The following LCOR variants were observed in gnomAD, a reference collection of about 807,000 sequenced individuals.
LCOR encodes ligand dependent nuclear receptor corepressor, also known as ligand-dependent corepressor.
LCOR carries 14 observed loss-of-function variants against 64.4 expected under a neutral mutation model. That is an observed-to-expected ratio of 0.22 (90% CI 0.14 to 0.34). The LOEUF is 0.34. LCOR is among the 10% of genes least tolerant of loss of function. The pLI is 1.00. For synonymous variants in LCOR, 643 were observed against 642.5 expected, an observed-to-expected ratio of 1.00 and a Z score of -0.01; for missense variants, 1,686 against 1,765.3, an observed-to-expected ratio of 0.96 and a Z score of 0.80.
At chr10:96,966,529 GGA>G in intron 7 of LCOR, among the ~76,000 whole-genome samples, 1 of 151,214 alleles carries the variant, frequency 6.6e-6, no homozygotes, top group South Asian at 2.1e-4. Flanking sequence ...CGCCCGGCCA[GGA>G]CTCTTAACAA....
rs937912451 is a variant in LCOR, at chr10:96,981,824, G to T, written c.1364G>T (p.Ser455Ile). Residue 455 changes from serine (S) to isoleucine (I), a missense_variant, in exon 8 of 8, where the codon AGT (serine) becomes ATT (isoleucine). Coordinates refer to ENST00000421806, the MANE Select transcript of LCOR (RefSeq NM_001346516.2). ...ISTSIKTARK[S>I]KRASGLRIND... ...ACCTCCATCAAGACAGCTCGGAAAA[G>T]TAAAAGGGCATCAGGGCTGAGGATA... The T allele has an allele frequency of 1.2e-6, 2 of 1,614,094 alleles. No homozygotes were observed. The highest frequency in any genetic ancestry group is 2.7e-5 in the African/African-American group (2 of 74,936).
intron 6 of LCOR, among the ~76,000 whole-genome samples, chr10:96,950,725 TAATG>T (rs990336039): frequency 6.6e-5 from 10 of 152,230 alleles, no homozygotes; most frequent in South Asian, 2.1e-4. Flanking sequence ...TATATTTCCT[TAATG>T]AATGTGTTTT....
At position 96,983,747 on chromosome 10, in the gene LCOR, C is replaced by T; in HGVS notation, c.3287C>T (p.Pro1096Leu). The T allele has an allele frequency of 6.2e-7, 1 of 1,614,082 alleles. No homozygotes were observed. Among genetic ancestry groups the T allele is most frequent in the Non-Finnish European group, 8.5e-7 (1 of 1,180,016 alleles). Residue 1096 changes from proline (P) to leucine (L), a missense_variant, in exon 8 of 8, where the codon CCA (proline) becomes CTA (leucine). By Grantham distance (98) the Pro-to-Leu change is moderately conservative. Coordinates refer to ENST00000421806, the MANE Select transcript of LCOR (RefSeq NM_001346516.2). This position sits in a 1 kb window ranked among gnomAD's most constrained non-coding sequence, Gnocchi z 4.5. Reference sequence around the variant, plus strand: ...GTTGACACCGTGGTAGATGAACAGCCAAAGTTTATGGAATGGTGTGCTGAG... The same window carrying T: ...GTTGACACCGTGGTAGATGAACAGCTAAAGTTTATGGAATGGTGTGCTGAG... Reference protein sequence around the residue: ...DDVDTVVDEQPKFMEWCAEEE... With the variant: ...DDVDTVVDEQLKFMEWCAEEE...
intron 2 of LCOR, among the ~76,000 whole-genome samples, chr10:96,845,865 C>G (rs1434536203): frequency 6.6e-6 from 1 of 151,974 alleles, no homozygotes; most frequent in Non-Finnish European, 1.5e-5. Flanking sequence ...AACCTTTACA[C>G]TGGTCATTTT....
chr10:96,887,392 T>A (rs1846361330), intron 2 of LCOR, among the ~76,000 whole-genome samples: 1 of 151,808 alleles, frequency 6.6e-6, no homozygotes, highest in Admixed American at 6.6e-5. Flanking sequence ...TGAAACCCCG[T>A]CTCTACTAAA....
chr10:96,969,459 A>T (rs1014458414), intron 7 of LCOR, among the ~76,000 whole-genome samples: 3 of 152,194 alleles, frequency 2.0e-5, no homozygotes, highest in African/African-American at 7.2e-5. Context: ...TTAGAAATTT[A>T]AAAGTCATAA....
chr10:96,896,644 G>C (rs909709741), intron 2 of LCOR, among the ~76,000 whole-genome samples: 1 of 151,988 alleles, frequency 6.6e-6, no homozygotes, highest in Non-Finnish European at 1.5e-5. Flanking sequence ...GGCTGGTCTT[G>C]AACTCCTGAC....
intron 2 of LCOR, among the ~76,000 whole-genome samples, chr10:96,886,269 G>GAT (rs1295631946): frequency 6.6e-6 from 1 of 152,192 alleles, no homozygotes; most frequent in African/African-American, 2.4e-5. Flanking sequence ...CCACATAAGA[G>GAT]ATATACAGGT....
intron 2 of LCOR, among the ~76,000 whole-genome samples, chr10:96,883,190 C>T (rs768736981): frequency 4.6e-5 from 7 of 152,078 alleles, no homozygotes; most frequent in East Asian, 1.9e-4. Context: ...CGTGCCACCA[C>T]CCCCAGCTAA....
chr10:96,867,189 C>T (rs1174759075), intron 2 of LCOR, among the ~76,000 whole-genome samples: 3 of 151,742 alleles, frequency 2.0e-5, no homozygotes, highest in African/African-American at 7.3e-5. Context: ...AATGGGGTTT[C>T]TCCATGTTGG....
chr10:96,892,269 G>A (rs1343433705), intron 2 of LCOR, among the ~76,000 whole-genome samples: 1 of 152,154 alleles, frequency 6.6e-6, no homozygotes, highest in African/African-American at 2.4e-5. Flanking sequence ...ATTTGGGGCT[G>A]TGTTGTTAGG....
At position 96,994,081 on chromosome 10, in the gene LCOR, G is replaced by T. The variant is rs889320602; in HGVS notation, c.*8947G>T. The T allele has an allele frequency of 6.6e-6, 1 of 152,106 alleles. No individual in the cohort carries two copies. The highest frequency in any genetic ancestry group is 1.5e-5 in the Non-Finnish European group (1 of 68,028). The allele number at this position is 152,106 out of a possible 1,614,324, so 9.4% of individuals were successfully genotyped here. On this transcript the variant is annotated 3_prime_UTR_variant, in exon 8 of 8. Transcript: ENST00000421806. ...GCCAGCACCAGACACATCAAAATTG[G>T]GCACATAGATGGAAAATTTTGCAAT...
chr10:96,915,968 A>G, intron 4 of LCOR: 1 of 285,828 alleles, frequency 3.5e-6, no homozygotes, highest in Non-Finnish European at 6.9e-6. Context: ...GGCCTTTGGT[A>G]GTCCAAGGGT....
chr10:96,841,217 C>T (rs1262513686), intron 2 of LCOR, among the ~76,000 whole-genome samples: 2 of 152,116 alleles, frequency 1.3e-5, no homozygotes, highest in Non-Finnish European at 2.9e-5. Flanking sequence ...AGTTGTCTCA[C>T]AAGAATTTTT....
At position 96,981,770 on chromosome 10, in the gene LCOR, A is replaced by G. The variant is rs374778982; in HGVS notation, c.1310A>G (p.Asn437Ser). 42 of 1,614,082 alleles carry G rather than the reference A, an allele frequency of 2.6e-5. No individual in the cohort carries two copies. The highest frequency in any genetic ancestry group is 1.6e-4 in the African/African-American group (12 of 74,918). Residue 437 changes from asparagine to serine, a missense_variant, in exon 8 of 8, where the codon AAT becomes AGT. Physicochemically the swap from Asn to Ser is conservative, Grantham distance 46. Coordinates refer to ENST00000421806, the MANE Select transcript of LCOR (RefSeq NM_001346516.2). Reference sequence around the variant, plus strand: ...ATGCCAGCTGTACACAAAGCGGCAAATGGACACTCAAGAACCAAGATGATA... The same window carrying G: ...ATGCCAGCTGTACACAAAGCGGCAAGTGGACACTCAAGAACCAAGATGATA... ...GPMPAVHKAA[N>S]GHSRTKMIST...
intron 2 of LCOR, among the ~76,000 whole-genome samples, chr10:96,853,675 A>G (rs1248772842): frequency 3.3e-5 from 5 of 152,146 alleles, no homozygotes; most frequent in Admixed American, 6.6e-5. Flanking sequence ...TCTCTGTTCT[A>G]CGTTTCTCAC....
intron 2 of LCOR, among the ~76,000 whole-genome samples, chr10:96,858,810 G>T (rs1400096755): frequency 6.6e-6 from 1 of 152,144 alleles, no homozygotes; most frequent in Admixed American, 6.5e-5. Flanking sequence ...AAGCATGAAT[G>T]AATTTGTAAC....
chr10:96,868,781 G>A (rs1846021533), intron 2 of LCOR, among the ~76,000 whole-genome samples: 3 of 152,120 alleles, frequency 2.0e-5, no homozygotes, highest in Admixed American at 2.0e-4. Context: ...TCTCCTCCAA[G>A]TTTTAAGCCT....
At chr10:96,926,431 A>C (rs1023602610) in intron 4 of LCOR, among the ~76,000 whole-genome samples, 2 of 152,224 alleles carry the variant, frequency 1.3e-5, no homozygotes, top group Non-Finnish European at 2.9e-5. Flanking sequence ...TCTTTGTGAC[A>C]TATCTTTGTG....
Sources: gnomAD v4.1 joint callset for allele counts (sites outside exome capture counted in the v4.1 genomes callset) on GRCh38, gnomAD v4.1.1 for gene constraint, Gnocchi (gnomAD v3.1) non-coding constraint, MANE v1.5 for transcripts, NCBI Gene and HGNC (gene_info 2026-07-23, HGNC 2026-07-21) for gene names.